Variants in USP1 observed in about 807,000 individuals in gnomAD.
USP1 encodes ubiquitin carboxyl-terminal hydrolase 1.
USP1 carries 18 observed loss-of-function variants against 72.2 expected under a neutral mutation model. That is an observed-to-expected ratio of 0.25 (90% CI 0.17 to 0.37). The LOEUF (loss-of-function observed/expected upper bound fraction) is 0.37, where lower values mean the gene tolerates loss of function less well. Among genes scored for constraint, USP1 ranks in the 10% least tolerant of loss-of-function variants. The pLI, the probability that USP1 is intolerant of heterozygous loss-of-function variation, is 1.00. For missense variants in USP1, 759 were observed against 884.9 expected, an observed-to-expected ratio of 0.86 and a Z score of 1.81; for synonymous variants, 354 against 303.7, an observed-to-expected ratio of 1.17 and a Z score of -1.72.
rs955147974 is a variant in USP1 at position 62,444,991 on chromosome 1, A to C, written c.811A>C (p.Arg271=). The C allele has an allele frequency of 2.5e-6, 4 of 1,613,750 alleles. No individual in the cohort carries two copies. The African/African-American group carries it at 5.3e-5, about 22-fold the overall frequency. The change falls in exon 6 of 9, where the codon AGA becomes CGA. Residue 271 remains arginine, a synonymous_variant. Transcript: ENST00000339950. ...GAAACTCCCAAAAGGAAATGGGAAA[A>C]GAAAAAGTGACACTGAATTTGGTAA... ...KEKLPKGNGK[R]KSDTEFGNMK...
intron 6 of USP1, 24 bp from the exon 7 acceptor site, chr1:62,447,317 T>TA (rs753316155): frequency 6.2e-7 from 1 of 1,605,612 alleles, no homozygotes; most frequent in East Asian, 2.2e-5. Flanking sequence ...TGTATAGACT[T>TA]ACATTTTCCT....
At chr1:62,445,502 T>TA (rs747532757) in intron 6 of USP1, 73 bp downstream of exon 6, 544 of 1,319,810 alleles carry the variant, frequency 4.1e-4, no homozygotes, top group Middle Eastern at 2.6e-4. Context: ...TCTTCCTAGA[T>TA]ACATGTACAA....
Position 62,450,981 on chromosome 1 carries a change from G to T in USP1, c.2358G>T (p.Ter786TyrextTer27). 1 of 1,577,282 alleles carries T rather than the reference G, an allele frequency of 6.3e-7. No individual in the cohort carries two copies. Among genetic ancestry groups the T allele is most frequent in the South Asian group, 1.2e-5 (1 of 84,736 alleles). Residue 786 changes from the stop codon to tyrosine, a stop_lost, in exon 9 of 9, where the codon TAG becomes TAT. Transcript: ENST00000339950. Reference protein sequence around the residue: ...TPYLLFYKKL* With the variant: ...TPYLLFYKKLY ...ACTTGCTATTTTATAAGAAATTATAGAGTGAGTGTATTTTCCTTGTGTATA... is the reference window on the plus strand; with the variant it reads ...ACTTGCTATTTTATAAGAAATTATATAGTGAGTGTATTTTCCTTGTGTATA...
Position 62,442,223 on chromosome 1 carries a change from C to A in USP1, c.320C>A (p.Ser107Tyr). ...QVLYFCPGFK[S>Y]GVKHLFNIIS... ...TTATATTTTTGTCCCGGTTTTAAAT[C>A]TGGAGTAAAGCACTTATTTAATATT... is the stretch of plus-strand genomic sequence containing the variant. Residue 107 changes from serine to tyrosine, a missense_variant, in exon 4 of 9, where the codon TCT becomes TAT. Ser to Tyr is a moderately radical substitution (Grantham distance 144, BLOSUM62 -2). Coordinates refer to ENST00000339950, the MANE Select transcript of USP1 (RefSeq NM_003368.5). 2 of 1,603,330 alleles carry A rather than the reference C, an allele frequency of 1.2e-6. No homozygotes were observed. The highest frequency in any genetic ancestry group is 1.1e-5 in the South Asian group (1 of 89,414).
At chr1:62,449,694 T>C (rs940745977) in intron 8 of USP1, among the ~76,000 whole-genome samples, 2 of 152,060 alleles carry the variant, frequency 1.3e-5, no homozygotes, top group African/African-American at 4.8e-5. Flanking sequence ...GATGGATGGC[T>C]TGCACCCAGG....
Position 62,450,276 on chromosome 1 carries a change from G to A in USP1, c.1653G>A (p.Lys551=), listed in dbSNP as rs752363141. 7 of 1,613,580 alleles carry A rather than the reference G, an allele frequency of 4.3e-6. No homozygotes were observed. Among genetic ancestry groups the A allele is most frequent in the Non-Finnish European group, 5.9e-6 (7 of 1,179,616 alleles). ...ATTGTTATGGTGGTGGACTTTCCAA[G>A]ATCAACACTCCTTTATTGACACCTC... ...EFDCYGGGLS[K]INTPLLTPLK... Residue 551 remains lysine, a synonymous_variant, in exon 9 of 9, where the codon AAG becomes AAA. Transcript: ENST00000339950.
chr1:62,437,419 G>A lies in USP1; in HGVS notation c.-70+19G>A, dbSNP rs184123910. 1,911 of 371,868 alleles carry A rather than the reference G, an allele frequency of 5.1e-3. 8 individuals carry two copies. Among genetic ancestry groups the A allele is most frequent in the Non-Finnish European group, 6.5e-3 (1,371 of 209,370 alleles). 23.0% of individuals were successfully genotyped at this position (371,868 alleles called of 1,614,324 possible). On this transcript the variant is annotated intron_variant, in intron 1 of 8. Coordinates refer to ENST00000339950, the MANE Select transcript of USP1 (RefSeq NM_003368.5). Reference sequence around the variant, plus strand: ...TGACCAGGTAAGGAGGGCCTGGGAGGAGGGGCCGGCTCCCGGGCGCGGGGG... The same window carrying A: ...TGACCAGGTAAGGAGGGCCTGGGAGAAGGGGCCGGCTCCCGGGCGCGGGGG...
intron 6 of USP1, among the ~76,000 whole-genome samples, chr1:62,446,206 C>T (rs1188397077): frequency 6.6e-6 from 1 of 152,128 alleles, no homozygotes; most frequent in Non-Finnish European, 1.5e-5. Flanking sequence ...ACTTACACAA[C>T]TAGATGCTAG....
chr1:62,451,031 T>C lies in USP1; in HGVS notation c.*50T>C. Reference sequence around the variant, plus strand: ...ATATTAAACACACCCATACAAACATTGGTAAAGTTGATTACATCAAAGAAT... The same window carrying C: ...ATATTAAACACACCCATACAAACATCGGTAAAGTTGATTACATCAAAGAAT... On this transcript the variant is annotated 3_prime_UTR_variant, in exon 9 of 9. Transcript: ENST00000339950. 2.7e-6 allele frequency: 4 copies of C among 1,473,206 alleles called. No homozygotes were observed. Among genetic ancestry groups the C allele is most frequent in the Non-Finnish European group, 3.6e-6 (4 of 1,110,956 alleles). The allele number at this position is 1,473,206 out of a possible 1,614,324, so 91.3% of individuals were successfully genotyped here.
rs539762919 is a variant in USP1 at position 62,446,177 on chromosome 1, T to G, written c.1249+748T>G. 2.0e-5 allele frequency among the ~76,000 whole-genome samples: 3 copies of G among 152,288 alleles called. No individual in the cohort carries two copies. In the South Asian group the frequency reaches 6.2e-4, roughly 32 times the overall value. The stretch of plus-strand genomic sequence containing the variant: ...TGTTCTGAGAAATGTGCTGTTTCAT[T>G]GTGTGAATTTCACGGTGTACTTACA... On this transcript the variant is annotated intron_variant, in intron 6 of 8. Coordinates refer to ENST00000339950, the MANE Select transcript of USP1 (RefSeq NM_003368.5).
intron 6 of USP1, among the ~76,000 whole-genome samples, chr1:62,447,129 T>A (rs1204018091): frequency 6.6e-6 from 1 of 152,202 alleles, no homozygotes; most frequent in African/African-American, 2.4e-5. Flanking sequence ...TGACTTCTTT[T>A]AAAGACAGTA....
chr1:62,446,201 C>T (rs1428389001), intron 6 of USP1, among the ~76,000 whole-genome samples: 1 of 152,100 alleles, frequency 6.6e-6, no homozygotes, highest in Non-Finnish European at 1.5e-5. Context: ...GGTGTACTTA[C>T]ACAACTAGAT....
intron 7 of USP1, 43 bp from the exon 8 acceptor site, chr1:62,448,422 A>AT: frequency 6.4e-7 from 1 of 1,563,700 alleles, no homozygotes; most frequent in Middle Eastern, 1.8e-4. Flanking sequence ...TATTTTTTGA[A>AT]TGCCTGAGAG....
At position 62,443,992 on chromosome 1, in the gene USP1, C is replaced by G. The variant is rs1645151374; in HGVS notation, c.557+673C>G. On this transcript the variant is annotated intron_variant, in intron 5 of 8. Coordinates refer to ENST00000339950, the MANE Select transcript of USP1 (RefSeq NM_003368.5). ...AAGAGGTATTGTAGGCCGGTCACAGCTCACACTTGTAATCCCAGCACTTTG... is the reference window on the plus strand; with the variant it reads ...AAGAGGTATTGTAGGCCGGTCACAGGTCACACTTGTAATCCCAGCACTTTG... 5.9e-5 allele frequency among the ~76,000 whole-genome samples: 9 copies of G among 152,204 alleles called. No homozygotes were observed. The South Asian group carries it at 1.9e-3, about 32-fold the overall frequency.
Position 62,441,610 on chromosome 1 carries a change from TAA to T in USP1, c.291+4_291+5del. The T allele has an allele frequency of 1.2e-6, 2 of 1,603,026 alleles. No individual in the cohort carries two copies. The highest frequency in any genetic ancestry group is 1.7e-6 in the Non-Finnish European group (2 of 1,177,038). On this transcript the variant is annotated splice_donor_region_variant and intron_variant, in intron 3 of 8. Coordinates refer to ENST00000339950, the MANE Select transcript of USP1 (RefSeq NM_003368.5). ...TGCTATCTTAATAGTATACTTCAGG[TAA>T]ATTGACAATTTTGCTATATCATAAA...
chr1:62,442,327 T>C, intron 4 of USP1, 28 bp downstream of exon 4: 1 of 1,503,854 alleles, frequency 6.6e-7, no homozygotes. Context: ...CAGAAAATAA[T>C]GTAAAAAGCA....
At chr1:62,439,233 G>A (rs528984652) in intron 1 of USP1, among the ~76,000 whole-genome samples, 9 of 152,090 alleles carry the variant, frequency 5.9e-5, no homozygotes, top group Admixed American at 2.0e-4. Context: ...GGCCCAGGCT[G>A]GAGTGCAATG....
Position 62,441,510 on chromosome 1 carries a change from C to CA in USP1, c.194dup (p.Ser66ValfsTer7). On this transcript the variant is annotated frameshift_variant, in exon 3 of 9. Transcript: ENST00000339950. LOFTEE classifies it high-confidence loss of function. The stretch of plus-strand genomic sequence containing the variant: ...TAGTGATCAAGTTGTTCCTGCAGCA[C>CA]AGTCTTCACCTATAAACTGTGAGAA... 1 of 1,611,038 alleles carries CA rather than the reference C, an allele frequency of 6.2e-7. No individual in the cohort carries two copies.
At chr1:62,440,373 A>G (rs1645124354) in intron 2 of USP1, among the ~76,000 whole-genome samples, 1 of 150,660 alleles carries the variant, frequency 6.6e-6, no homozygotes, top group South Asian at 2.1e-4. Flanking sequence ...TTATATATAT[A>G]TATATATATA....
Sources: allele counts gnomAD v4.1 joint callset (sites outside exome capture counted in the v4.1 genomes callset), GRCh38; gene constraint gnomAD v4.1.1; transcripts MANE v1.5; gene names NCBI Gene and HGNC (gene_info 2026-07-23, HGNC 2026-07-21).